Variants in IRAK1BP1 observed in about 807,000 individuals in gnomAD.
IRAK1BP1 encodes interleukin-1 receptor-associated kinase 1-binding protein 1.
A neutral mutation model predicts 28.0 loss-of-function variants in IRAK1BP1; 24 were observed. That is an observed-to-expected ratio of 0.86 (90% confidence interval 0.62 to 1.20). The LOEUF is 1.20. Ranked by LOEUF, IRAK1BP1 falls within the 50% of genes most tolerant of loss-of-function variation. IRAK1BP1 has a pLI of 0.00. For missense variants in IRAK1BP1, 336 were observed against 316.7 expected (o/e 1.06, Z -0.46); for synonymous variants, 131 against 116.3 (o/e 1.13, Z -0.81).
chr6:78,963,524 A>G, the IRAK1BP1 span, among the ~76,000 whole-genome samples: 1 of 152,202 alleles, frequency 6.6e-6, no homozygotes, highest in East Asian at 1.9e-4. Flanking sequence ...TGCAGAAATC[A>G]TTTCTATAAA....
chr6:78,911,336 C>T (rs1280523846), intron 4 of IRAK1BP1, among the ~76,000 whole-genome samples: 1 of 152,136 alleles, frequency 6.6e-6, no homozygotes, highest in Non-Finnish European at 1.5e-5. Context: ...CCGAGGTCAA[C>T]CTCCTCTGCC....
chr6:78,938,308 G>C (rs1487785299), intron 4 of IRAK1BP1: 3 of 151,586 alleles, frequency 2.0e-5, no homozygotes, highest in Admixed American at 6.6e-5. Context: ...ACATTTACAT[G>C]TTATAGGAAA....
chr6:78,954,175 C>T, the IRAK1BP1 span, among the ~76,000 whole-genome samples: 3 of 151,888 alleles, frequency 2.0e-5, no homozygotes, highest in East Asian at 5.9e-4. Flanking sequence ...GATCTCGGCT[C>T]ACTGCAAGCT....
chr6:78,916,030 A>G (rs1313784728), intron 4 of IRAK1BP1, among the ~76,000 whole-genome samples: 1 of 152,220 alleles, frequency 6.6e-6, no homozygotes, highest in Non-Finnish European at 1.5e-5. Flanking sequence ...AAACAAAATC[A>G]CACTCCACAG....
chr6:78,937,305 T>C (rs1311291309), intron 4 of IRAK1BP1: 1 of 151,742 alleles, frequency 6.6e-6, no homozygotes, highest in Non-Finnish European at 1.5e-5. Context: ...GAAGTAAACA[T>C]TGTTAACTGG....
chr6:78,958,651 G>A, the IRAK1BP1 span: 2 of 1,090,294 alleles, frequency 1.8e-6, no homozygotes, highest in African/African-American at 3.2e-5. Context: ...TTAGAAATAT[G>A]TGTACATCAT....
chr6:78,961,025 A>T, the IRAK1BP1 span, among the ~76,000 whole-genome samples: 2 of 152,124 alleles, frequency 1.3e-5, no homozygotes, highest in Non-Finnish European at 2.9e-5. Flanking sequence ...TTAAAACTAA[A>T]AACAGGATTC....
chr6:78,910,801 C>G (rs1414407862), intron 4 of IRAK1BP1, among the ~76,000 whole-genome samples: 1 of 152,264 alleles, frequency 6.6e-6, no homozygotes, highest in African/African-American at 2.4e-5. Flanking sequence ...GACCTCCGCC[C>G]TGTCGCAGTT....
intron 2 of IRAK1BP1, among the ~76,000 whole-genome samples, chr6:78,896,633 A>G (rs1314311868): frequency 1.3e-5 from 2 of 152,046 alleles, no homozygotes; most frequent in African/African-American, 2.4e-5. Flanking sequence ...AATTTTTGTT[A>G]TGGTGGTTAC....
chr6:78,871,671 G>A, intron 1 of IRAK1BP1: 2 of 310,150 alleles, frequency 6.4e-6, no homozygotes, highest in Non-Finnish European at 9.5e-6. Flanking sequence ...GCTGTTTATA[G>A]ATGAGAACTC....
intron 4 of IRAK1BP1, among the ~76,000 whole-genome samples, chr6:78,918,665 A>T (rs1440529015): frequency 2.0e-5 from 3 of 151,992 alleles, no homozygotes; most frequent in African/African-American, 7.2e-5. Flanking sequence ...ACTGTCCTAA[A>T]TATGTATGCA....
intron 1 of IRAK1BP1, among the ~76,000 whole-genome samples, chr6:78,877,539 T>C (rs192216678): frequency 7.8e-4 from 119 of 152,274 alleles, no homozygotes; most frequent in African/African-American, 2.7e-3. Flanking sequence ...TAGGAACAGC[T>C]CCAGTCTACA....
chr6:78,903,630 A>T (rs1048159942), downstream of IRAK1BP1, among the ~76,000 whole-genome samples: 4 of 151,900 alleles, frequency 2.6e-5, no homozygotes, highest in Admixed American at 1.3e-4. Context: ...ATCTAAAATG[A>T]TCCTGAAATA....
chr6:78,884,354 A>G (rs565221325), intron 1 of IRAK1BP1, among the ~76,000 whole-genome samples: 2 of 152,282 alleles, frequency 1.3e-5, no homozygotes, highest in East Asian at 1.9e-4. Flanking sequence ...TACATAAAAT[A>G]TAAGTTTTGC....
chr6:78,974,468 T>A, the IRAK1BP1 span, among the ~76,000 whole-genome samples: 5 of 151,320 alleles, frequency 3.3e-5, no homozygotes, highest in African/African-American at 9.7e-5. Context: ...TTAAAAGAAC[T>A]AGAAAAGCAA....
At chr6:78,933,101 G>A (rs1420911677) in intron 4 of IRAK1BP1, among the ~76,000 whole-genome samples, 3 of 152,090 alleles carry the variant, frequency 2.0e-5, no homozygotes, top group African/African-American at 7.2e-5. Context: ...CTTAACACCA[G>A]CTGCATTAGC....
chr6:78,905,986 G>A (rs1196701111), downstream of IRAK1BP1, among the ~76,000 whole-genome samples: 2 of 152,108 alleles, frequency 1.3e-5, no homozygotes, highest in Non-Finnish European at 2.9e-5. Context: ...GGAAAGAAAA[G>A]TAAAAATCTA....
intron 2 of IRAK1BP1, among the ~76,000 whole-genome samples, chr6:78,892,376 A>G (rs1189188647): frequency 6.6e-6 from 1 of 152,174 alleles, no homozygotes; most frequent in Admixed American, 6.5e-5. Context: ...CATTTGCATC[A>G]TATTGTTCCC....
chr6:78,935,397 C>A, intron 4 of IRAK1BP1: 1 of 566,196 alleles, frequency 1.8e-6, no homozygotes, highest in Non-Finnish European at 2.2e-6. Context: ...AAAATGCATG[C>A]CAATCTGACA....
Sources: gnomAD v4.1 joint callset for allele counts (sites outside exome capture counted in the v4.1 genomes callset) on GRCh38, gnomAD v4.1.1 for gene constraint, MANE v1.5 for transcripts, NCBI Gene and HGNC (gene_info 2026-07-23, HGNC 2026-07-21) for gene names.